FSTL4: variants seen among roughly 807,000 people sequenced by gnomAD.
The protein encoded by FSTL4 is follistatin-related protein 4.
FSTL4 carries 28 observed loss-of-function variants against 78.2 expected under a neutral mutation model. The ratio of observed to expected loss-of-function variants is 0.36; its 90% CI spans 0.27 to 0.49. FSTL4 has a LOEUF of 0.49. Among genes scored for constraint, FSTL4 ranks in the 20% least tolerant of loss-of-function variants. The pLI, the probability that FSTL4 is intolerant of heterozygous loss-of-function variation, is 0.98. For missense variants in FSTL4, 922 were observed against 1,084.9 expected (o/e 0.85, Z 2.11); for synonymous variants, 422 against 440.5 (o/e 0.96, Z 0.53).
At chr5:133,710,360 A>G in the FSTL4 span, among the ~76,000 whole-genome samples, 49,341 of 151,958 alleles carry the variant, frequency 0.32, 8,594 homozygotes, top group African/African-American at 0.44. Context: ...GACTCAAGTG[A>G]ACCAAATGTC....
chr5:133,647,869 C>T, the FSTL4 span, among the ~76,000 whole-genome samples: 1 of 152,174 alleles, frequency 6.6e-6, no homozygotes, highest in Non-Finnish European at 1.5e-5. Flanking sequence ...CAAATCTCAT[C>T]TTAAATTCCC....
the FSTL4 span, among the ~76,000 whole-genome samples, chr5:133,630,735 A>C: frequency 6.6e-6 from 1 of 152,230 alleles, no homozygotes; most frequent in African/African-American, 2.4e-5. Flanking sequence ...ACCTGACTTC[A>C]ATCTATACTA....
At chr5:133,303,001 G>A (rs990464746) in intron 6 of FSTL4, among the ~76,000 whole-genome samples, 13 of 152,330 alleles carry the variant, frequency 8.5e-5, no homozygotes, top group African/African-American at 1.9e-4. Context: ...TTGTCCTCCC[G>A]CTGGAACAAG....
At chr5:133,627,151 C>CTTTTTTTTTTTTTT in the FSTL4 span, among the ~76,000 whole-genome samples, 6 of 93,014 alleles carry the variant, frequency 6.5e-5, no homozygotes, top group African/African-American at 2.2e-4. Flanking sequence ...CTCTGTGTCT[C>CTTTTTTTTTTTTTT]TTTTTTTTTT....
intron 3 of FSTL4, among the ~76,000 whole-genome samples, chr5:133,481,255 C>A (rs148629285): frequency 6.6e-6 from 1 of 152,134 alleles, no homozygotes; most frequent in Admixed American, 6.5e-5. Flanking sequence ...AGCTATCAAG[C>A]ATTGGTCAGG....
At chr5:133,542,089 T>C (rs550545729) in intron 3 of FSTL4, among the ~76,000 whole-genome samples, 52 of 152,312 alleles carry the variant, frequency 3.4e-4, no homozygotes, top group African/African-American at 1.2e-3. Context: ...ATATACTAAA[T>C]ACATTTATTA....
the FSTL4 span, among the ~76,000 whole-genome samples, chr5:133,620,227 T>C: frequency 2.0e-5 from 3 of 152,220 alleles, no homozygotes; most frequent in African/African-American, 7.2e-5. Context: ...TGCCATTTTA[T>C]TTATATATTT....
chr5:133,811,468 G>C, the FSTL4 span, among the ~76,000 whole-genome samples: 1 of 152,144 alleles, frequency 6.6e-6, no homozygotes, highest in African/African-American at 2.4e-5. Context: ...CTGGGACTCA[G>C]CCAGCAGGAC....
chr5:133,756,782 T>G, the FSTL4 span, among the ~76,000 whole-genome samples: 32 of 152,152 alleles, frequency 2.1e-4, no homozygotes, highest in Non-Finnish European at 2.1e-4. Flanking sequence ...GTGGTGAGGT[T>G]TTTTTCTAAC....
chr5:133,378,268 G>T (rs1027565071), intron 4 of FSTL4, among the ~76,000 whole-genome samples: 1 of 152,096 alleles, frequency 6.6e-6, no homozygotes, highest in African/African-American at 2.4e-5. Context: ...CTCCTTTCTT[G>T]TTAGCTGATT....
the FSTL4 span, among the ~76,000 whole-genome samples, chr5:133,823,557 G>A: frequency 6.6e-6 from 1 of 152,180 alleles, no homozygotes; most frequent in African/African-American, 2.4e-5. Context: ...CACCCAGCAG[G>A]TCTGAGAATA....
intron 4 of FSTL4, among the ~76,000 whole-genome samples, chr5:133,317,649 A>T (rs1435292976): frequency 6.6e-6 from 1 of 152,246 alleles, no homozygotes; most frequent in Non-Finnish European, 1.5e-5. Flanking sequence ...AGAGAGCATG[A>T]GCTCTGAGGT....
At chr5:133,328,670 T>C (rs982960898) in intron 4 of FSTL4, among the ~76,000 whole-genome samples, 3 of 152,168 alleles carry the variant, frequency 2.0e-5, no homozygotes, top group African/African-American at 4.8e-5. Context: ...GGCTCCCCCT[T>C]TGCCCTGTCC....
chr5:133,704,382 C>G, the FSTL4 span, among the ~76,000 whole-genome samples: 1 of 152,158 alleles, frequency 6.6e-6, no homozygotes, highest in Non-Finnish European at 1.5e-5. Flanking sequence ...TCCAAGAGAC[C>G]AACTTTATGG....
chr5:133,531,346 C>A (rs1243140809), intron 3 of FSTL4, among the ~76,000 whole-genome samples: 2 of 152,158 alleles, frequency 1.3e-5, no homozygotes, highest in African/African-American at 2.4e-5. Flanking sequence ...TGGCCCTAAT[C>A]TCTGTGGTCA....
the FSTL4 span, among the ~76,000 whole-genome samples, chr5:133,810,593 C>T: frequency 1.6e-4 from 25 of 152,264 alleles, no homozygotes; most frequent in East Asian, 3.3e-3. Context: ...GAGAAAGGGG[C>T]GCCCAAGTGG....
rs1750867295 is a variant in FSTL4 at position 133,215,189 on chromosome 5, T to A, written c.1608+2040A>T. ...TTAGCTTCAAGAATATCTCTCTTTA[T>A]CCTAATTTTTTCCTATCTTTCAGGT... is the stretch of plus-strand genomic sequence containing the variant. On this transcript the variant is annotated intron_variant, in intron 13 of 15. Coordinates refer to ENST00000265342, the MANE Select transcript of FSTL4 (RefSeq NM_015082.2). 2.0e-5 allele frequency among the ~76,000 whole-genome samples: 3 copies of A among 152,164 alleles called. No homozygotes were observed. In the South Asian group the frequency reaches 6.2e-4, roughly 32 times the overall value.
chr5:133,766,856 C>T, the FSTL4 span, among the ~76,000 whole-genome samples: 5 of 152,126 alleles, frequency 3.3e-5, no homozygotes, highest in Non-Finnish European at 5.9e-5. Flanking sequence ...GTGGGAGTGC[C>T]GGGTGGGTTC....
the FSTL4 span, among the ~76,000 whole-genome samples, chr5:133,721,213 C>T: frequency 6.6e-6 from 1 of 152,144 alleles, no homozygotes; most frequent in Non-Finnish European, 1.5e-5. Flanking sequence ...TCACAATTTA[C>T]ATATTTTTAT....
Sources: allele counts gnomAD v4.1 joint callset (sites outside exome capture counted in the v4.1 genomes callset), GRCh38; gene constraint gnomAD v4.1.1; transcripts MANE v1.5; gene names NCBI Gene and HGNC (gene_info 2026-07-23, HGNC 2026-07-21).